The following SNTB1 variants were observed in gnomAD, a reference collection of about 807,000 sequenced individuals.
The protein encoded by SNTB1 is beta-1-syntrophin.
SNTB1 carries 36 observed loss-of-function variants against 48.9 expected under a neutral mutation model. The observed-to-expected ratio is 0.74, with a 90% CI of 0.56 to 0.97. The LOEUF (loss-of-function observed/expected upper bound fraction) is 0.97, where lower values mean the gene tolerates loss of function less well. Among genes scored for constraint, SNTB1 ranks in the 50% least tolerant of loss-of-function variants. The probability of loss-of-function intolerance (pLI) is 0.00; values close to 1 mark genes in which losing one functional copy is unlikely to be tolerated. For missense variants in SNTB1, 786 were observed against 703.4 expected (o/e 1.12, Z -1.33); for synonymous variants, 299 against 294.6 (o/e 1.01, Z -0.15).
At chr8:120,544,504 C>A (rs1012161999) in intron 5 of SNTB1, among the ~76,000 whole-genome samples, 2 of 152,232 alleles carry the variant, frequency 1.3e-5, no homozygotes, top group African/African-American at 4.8e-5. Flanking sequence ...ACTTACTTCT[C>A]CACCACCCAG....
At chr8:120,558,581 C>G (rs796203029) in intron 4 of SNTB1, among the ~76,000 whole-genome samples, 3 of 152,040 alleles carry the variant, frequency 2.0e-5, no homozygotes, top group Admixed American at 2.0e-4. Context: ...TAAATAGGAC[C>G]GTATAATATC....
At chr8:120,590,963 A>G (rs773118966) in intron 3 of SNTB1, among the ~76,000 whole-genome samples, 11 of 152,136 alleles carry the variant, frequency 7.2e-5, no homozygotes, top group Non-Finnish European at 1.6e-4. Context: ...GGAATTACCA[A>G]CGTGAAACAC....
chr8:120,620,151 C>T (rs1414826146), intron 3 of SNTB1, among the ~76,000 whole-genome samples: 2 of 152,098 alleles, frequency 1.3e-5, no homozygotes, highest in African/African-American at 4.8e-5. Flanking sequence ...TCTATACAAA[C>T]TCCATTCCAA....
intron 1 of SNTB1, among the ~76,000 whole-genome samples, chr8:120,767,246 G>C (rs918103289): frequency 6.6e-6 from 1 of 152,006 alleles, no homozygotes; most frequent in Non-Finnish European, 1.5e-5. Context: ...TAGCATCAGC[G>C]CTTATGTTGA....
chr8:120,622,873 T>TG (rs1384880724), intron 3 of SNTB1, among the ~76,000 whole-genome samples: 3 of 152,358 alleles, frequency 2.0e-5, no homozygotes, highest in African/African-American at 7.2e-5. Flanking sequence ...GCATGTTGAC[T>TG]GGTCACAGCT....
At chr8:120,547,839 T>C (rs1167554922) in intron 5 of SNTB1, among the ~76,000 whole-genome samples, 1 of 152,130 alleles carries the variant, frequency 6.6e-6, no homozygotes, top group Non-Finnish European at 1.5e-5. Context: ...GGGGCACTGG[T>C]CACTCTTCCC....
chr8:120,537,902 C>T lies in SNTB1; in HGVS notation c.*975G>A, dbSNP rs1815225127. The T allele has an allele frequency of 6.6e-6, 1 of 152,164 alleles. No homozygotes were observed. Among genetic ancestry groups the T allele is most frequent in the East Asian group, 1.9e-4 (1 of 5,198 alleles). 9.4% of individuals were successfully genotyped at this position (152,164 alleles called of 1,614,324 possible). On this transcript the variant is annotated 3_prime_UTR_variant, in exon 7 of 7. Transcript: ENST00000517992. ...AGAATTAAATGAGGCTGCTTTATTA[C>T]TTGCTTGAAAATGCATGCATACAAG...
At chr8:120,684,954 CA>C (rs1264193542) in intron 2 of SNTB1, among the ~76,000 whole-genome samples, 1 of 152,184 alleles carries the variant, frequency 6.6e-6, no homozygotes, top group Non-Finnish European at 1.5e-5. Flanking sequence ...CCATGCCCAG[CA>C]AAAATTGAAT....
intron 1 of SNTB1, among the ~76,000 whole-genome samples, chr8:120,792,105 A>ACACACACACACACACC (rs1820045320): frequency 6.6e-6 from 1 of 151,222 alleles, no homozygotes. Flanking sequence ...AAAGAAGCAC[A>ACACACACACACACACC]CACACACACA....
intron 3 of SNTB1, among the ~76,000 whole-genome samples, chr8:120,596,629 T>C (rs1211902236): frequency 1.3e-5 from 2 of 152,170 alleles, no homozygotes; most frequent in East Asian, 3.9e-4. Flanking sequence ...AAGGTCCCCA[T>C]TTCCTTGCTA....
intron 1 of SNTB1, among the ~76,000 whole-genome samples, chr8:120,708,828 T>A (rs1334293842): frequency 2.0e-5 from 3 of 152,188 alleles, no homozygotes; most frequent in Admixed American, 2.0e-4. Context: ...CTTAACTTCC[T>A]AAAGACTATC....
At chr8:120,634,875 G>A (rs1258043944) in intron 2 of SNTB1, among the ~76,000 whole-genome samples, 79 of 144,680 alleles carry the variant, frequency 5.5e-4, no homozygotes, top group East Asian at 1.0e-3. Flanking sequence ...TTTTTGAGAC[G>A]GAGTCTCGCT....
intron 6 of SNTB1, among the ~76,000 whole-genome samples, chr8:120,540,904 G>C (rs1227272789): frequency 6.6e-6 from 1 of 152,144 alleles, no homozygotes; most frequent in Non-Finnish European, 1.5e-5. Flanking sequence ...AGTCCCTAGG[G>C]TCTGTTAGGT....
intron 1 of SNTB1, among the ~76,000 whole-genome samples, chr8:120,783,885 A>G (rs1819872296): frequency 6.6e-6 from 1 of 152,208 alleles, no homozygotes; most frequent in African/African-American, 2.4e-5. Context: ...TATAAGAACA[A>G]TTTACATAGC....
chr8:120,540,823 C>T lies in SNTB1; in HGVS notation c.1524+987G>A, dbSNP rs140726318. Among the ~76,000 whole-genome samples, 820 of 152,236 alleles carry T rather than the reference C, an allele frequency of 5.4e-3. 8 individuals are homozygous for T. The highest frequency in any genetic ancestry group is 0.019 in the African/African-American group (778 of 41,530). ...TGCCTGTGGCGCTCATGGCAAGAAACCTGGTACTGTCTTGGTGCCAGAAGT... is the reference window on the plus strand; with the variant it reads ...TGCCTGTGGCGCTCATGGCAAGAAATCTGGTACTGTCTTGGTGCCAGAAGT... On this transcript the variant is annotated intron_variant, in intron 6 of 6. Transcript: ENST00000517992.
chr8:120,771,941 C>A (rs1819642694), intron 1 of SNTB1, among the ~76,000 whole-genome samples: 1 of 152,160 alleles, frequency 6.6e-6, no homozygotes, highest in African/African-American at 2.4e-5. Flanking sequence ...ACGCACTTGG[C>A]TCACAACCAC....
Position 120,636,016 on chromosome 8 carries a change from G to A in SNTB1, c.789-3365C>T, listed in dbSNP as rs992684187. 1.6e-5 allele frequency: 16 copies of A among 990,158 alleles called. No homozygotes were observed. In the Admixed American group the frequency reaches 4.9e-4, roughly 30 times the overall value. 61.3% of individuals were successfully genotyped at this position (990,158 alleles called of 1,614,324 possible). ...ATTCAATAGAACCAGAAGATCTTTT[G>A]CAAGATGGCTACTGAGTTCTAAAGA... On this transcript the variant is annotated intron_variant, in intron 2 of 6. Transcript: ENST00000517992.
chr8:120,765,333 A>G (rs1198589138), intron 1 of SNTB1, among the ~76,000 whole-genome samples: 1 of 152,220 alleles, frequency 6.6e-6, no homozygotes, highest in Non-Finnish European at 1.5e-5. Flanking sequence ...GTGGGTAGGG[A>G]TTCCAGGAGA....
chr8:120,547,421 C>A (rs1344764596), intron 5 of SNTB1, among the ~76,000 whole-genome samples: 10 of 151,864 alleles, frequency 6.6e-5, no homozygotes, highest in Non-Finnish European at 1.3e-4. Context: ...CATGGTAAAA[C>A]CCCATCTCTA....
Sources: allele counts gnomAD v4.1 joint callset (sites outside exome capture counted in the v4.1 genomes callset), GRCh38; gene constraint gnomAD v4.1.1; transcripts MANE v1.5; gene names NCBI Gene and HGNC (gene_info 2026-07-23, HGNC 2026-07-21).